ABHD17B: variants seen among roughly 807,000 people sequenced by gnomAD.
The protein encoded by ABHD17B is abhydrolase domain containing 17B, depalmitoylase.
ABHD17B carries 9 observed loss-of-function variants against 26.2 expected under a neutral mutation model. That is an observed-to-expected ratio of 0.34 (90% CI 0.21 to 0.60). The LOEUF (loss-of-function observed/expected upper bound fraction) is 0.60, where lower values mean the gene tolerates loss of function less well. ABHD17B is among the 20% of genes least tolerant of loss of function. ABHD17B has a pLI of 0.80. For synonymous variants in ABHD17B, 127 were observed against 122.3 expected (o/e 1.04, Z -0.25); for missense variants, 224 against 352.1 (o/e 0.64, Z 2.91).
intron 1 of ABHD17B, among the ~76,000 whole-genome samples, chr9:71,904,265 T>C (rs1280593663): frequency 6.6e-6 from 1 of 152,196 alleles, no homozygotes; most frequent in Admixed American, 6.6e-5. Context: ...GCTTTGCTTG[T>C]TTTGCTCATA....
At chr9:71,889,821 C>A (rs1051633722) in intron 1 of ABHD17B, among the ~76,000 whole-genome samples, 19 of 152,138 alleles carry the variant, frequency 1.2e-4, no homozygotes, top group Admixed American at 1.3e-4. Context: ...CTTCTTTAGT[C>A]TCTTCCCTAA....
In ABHD17B at chr9:71,878,760, A is replaced by G. The variant is rs58659833; in HGVS notation, c.-3-3677T>C. 8.3e-3 allele frequency among the ~76,000 whole-genome samples: 1,267 copies of G among 152,304 alleles called. 18 individuals carry two copies. The highest frequency in any genetic ancestry group is 0.028 in the African/African-American group (1,176 of 41,566). On this transcript the variant is annotated intron_variant, in intron 1 of 3. Transcript: ENST00000333421. ...ATAGGAAAACATTGTCTCTATCAAA[A>G]AAAACAAAGAGAGAGAGAGATCTGC... is the stretch of plus-strand genomic sequence containing the variant.
intron 2 of ABHD17B, among the ~76,000 whole-genome samples, chr9:71,873,565 T>C (rs1203058096): frequency 6.6e-6 from 1 of 152,142 alleles, no homozygotes; most frequent in Non-Finnish European, 1.5e-5. Context: ...GCCCGGCTAA[T>C]TTTCGTATTT....
At chr9:71,895,552 A>G (rs759920511) in intron 1 of ABHD17B, among the ~76,000 whole-genome samples, 2 of 152,214 alleles carry the variant, frequency 1.3e-5, no homozygotes, top group Non-Finnish European at 2.9e-5. Flanking sequence ...ATAGATTTTT[A>G]AAGTTGAGAA....
At chr9:71,872,783 A>T (rs771338957) in intron 2 of ABHD17B, among the ~76,000 whole-genome samples, 9 of 152,108 alleles carry the variant, frequency 5.9e-5, no homozygotes, top group Non-Finnish European at 1.0e-4. Context: ...TATGTAAAAG[A>T]TTTTTATTTA....
At chr9:71,886,679 C>T (rs1004150553) in intron 1 of ABHD17B, among the ~76,000 whole-genome samples, 8 of 152,082 alleles carry the variant, frequency 5.3e-5, no homozygotes, top group African/African-American at 1.9e-4. Context: ...GCCACCATGT[C>T]TGGCTAATTA....
At position 71,872,611 on chromosome 9, in the gene ABHD17B, C is replaced by G. The variant is rs538980950; in HGVS notation, c.467+2003G>C. Among the ~76,000 whole-genome samples, 9 of 152,194 alleles carry G rather than the reference C, an allele frequency of 5.9e-5. No homozygotes were observed. In the East Asian group the frequency reaches 1.7e-3, roughly 29 times the overall value. ...CACCCTTTAAAACTTCATTATTCCA[C>G]TGAAGTTAACCTTTAAAAGTGTGAA... On this transcript the variant is annotated intron_variant, in intron 2 of 3. Transcript: ENST00000333421.
intron 3 of ABHD17B, among the ~76,000 whole-genome samples, chr9:71,868,676 A>T (rs1197693003): frequency 2.0e-5 from 3 of 152,192 alleles, no homozygotes; most frequent in African/African-American, 7.2e-5. Context: ...GAAGTATATT[A>T]TCTTTTTCAA....
intron 1 of ABHD17B, among the ~76,000 whole-genome samples, chr9:71,891,268 T>G (rs1826772364): frequency 6.6e-6 from 1 of 152,262 alleles, no homozygotes; most frequent in Non-Finnish European, 1.5e-5. Flanking sequence ...CCTACATCCT[T>G]AGCTCTGAAA....
At chr9:71,869,706 C>T (rs1344082855) in intron 3 of ABHD17B, among the ~76,000 whole-genome samples, 2 of 152,080 alleles carry the variant, frequency 1.3e-5, no homozygotes, top group South Asian at 2.1e-4. Flanking sequence ...ACTGGATGGC[C>T]CTATCCATTA....
Position 71,865,423 on chromosome 9 carries a change from C to T in ABHD17B, c.*1364G>A, listed in dbSNP as rs1825929041. On this transcript the variant is annotated 3_prime_UTR_variant, in exon 4 of 4. Coordinates refer to ENST00000333421, the MANE Select transcript of ABHD17B (RefSeq NM_001025780.3). The stretch of plus-strand genomic sequence containing the variant: ...ACAGGGTTCATTCAAGGAAAGGCAA[C>T]TTAGTTTTTGTATGTGTGAGCTTTA... 2.9e-5 allele frequency: 29 copies of T among 984,462 alleles called. No individual in the cohort carries two copies. Among genetic ancestry groups the T allele is most frequent in the Non-Finnish European group, 3.5e-5 (29 of 829,082 alleles). 61.0% of individuals were successfully genotyped at this position (984,462 alleles called of 1,614,324 possible).
chr9:71,890,722 C>T (rs542382103), intron 1 of ABHD17B, among the ~76,000 whole-genome samples: 19 of 152,254 alleles, frequency 1.2e-4, no homozygotes, highest in African/African-American at 4.3e-4. Context: ...GGCACATTTT[C>T]GTTTGCTTCA....
At chr9:71,871,377 C>G (rs989967619) in intron 2 of ABHD17B, among the ~76,000 whole-genome samples, 3 of 152,170 alleles carry the variant, frequency 2.0e-5, no homozygotes, top group African/African-American at 4.8e-5. Context: ...GTATAGGACA[C>G]AGAAAGTGGG....
At chr9:71,902,045 G>C (rs1232292492) in intron 1 of ABHD17B, among the ~76,000 whole-genome samples, 1 of 152,106 alleles carries the variant, frequency 6.6e-6, no homozygotes, top group Non-Finnish European at 1.5e-5. Context: ...GCTAAGAGAG[G>C]TTCTTTTCTG....
At chr9:71,872,988 T>C (rs1826156953) in intron 2 of ABHD17B, among the ~76,000 whole-genome samples, 1 of 151,832 alleles carries the variant, frequency 6.6e-6, no homozygotes, top group African/African-American at 2.4e-5. Flanking sequence ...GAGGGAAAAA[T>C]AGTTTTAAAG....
chr9:71,875,416 G>T (rs1202209823), intron 1 of ABHD17B, among the ~76,000 whole-genome samples: 2 of 151,960 alleles, frequency 1.3e-5, no homozygotes, highest in Non-Finnish European at 2.9e-5. Context: ...GTAGAGATGG[G>T]GTTTCTCCAT....
intron 1 of ABHD17B, among the ~76,000 whole-genome samples, chr9:71,885,097 A>G (rs1410862130): frequency 6.6e-6 from 1 of 152,106 alleles, no homozygotes; most frequent in Non-Finnish European, 1.5e-5. Flanking sequence ...AACACAGAGA[A>G]GGACCCTATT....
rs111461276 is a variant in ABHD17B at position 71,890,850 on chromosome 9, GT to G, written c.-3-15768del. On this transcript the variant is annotated intron_variant, in intron 1 of 3. Transcript: ENST00000333421. ...AAATCCATGTTGTTCTTAAAGACAT[GT>G]TTAGACCCCAGTGATTTCTGTTTTA... Among the ~76,000 whole-genome samples, 567 of 152,218 alleles carry G rather than the reference GT, an allele frequency of 3.7e-3. 3 individuals carry two copies. The highest frequency in any genetic ancestry group is 0.014 in the Middle Eastern group (4 of 294).
intron 1 of ABHD17B, among the ~76,000 whole-genome samples, chr9:71,887,481 T>C (rs1178304354): frequency 6.6e-6 from 1 of 152,240 alleles, no homozygotes; most frequent in East Asian, 1.9e-4. Flanking sequence ...TTGATACTGC[T>C]AGACACTGCA....
Sources: gnomAD v4.1 joint callset for allele counts (sites outside exome capture counted in the v4.1 genomes callset) on GRCh38, gnomAD v4.1.1 for gene constraint, MANE v1.5 for transcripts, NCBI Gene and HGNC (gene_info 2026-07-23, HGNC 2026-07-21) for gene names.